The following MYO7B variants were observed in gnomAD, a reference collection of about 807,000 sequenced individuals.
MYO7B encodes unconventional myosin-VIIb.
In MYO7B, 212 loss-of-function variants were observed where a neutral mutation model predicts 259.7. The ratio of observed to expected loss-of-function variants is 0.82; its 90% confidence interval spans 0.73 to 0.91. The LOEUF (loss-of-function observed/expected upper bound fraction) is 0.91, where lower values mean the gene tolerates loss of function less well. MYO7B is among the 40% of genes least tolerant of loss of function. The pLI is 0.00. For synonymous variants in MYO7B, 1,197 were observed against 1,166.4 expected (o/e 1.03, Z -0.54); for missense variants, 2,732 against 2,813.5 (o/e 0.97, Z 0.66).
Position 127,633,500 on chromosome 2 carries a change from G to A in MYO7B, c.5511+137G>A, listed in dbSNP as rs944000649. ...GCTGTCCCATCCTAACCAGTCTCCC[G>A]CCCTCTCCCCATGGGATGCAGGCCC... is the stretch of plus-strand genomic sequence containing the variant. On this transcript the variant is annotated intron_variant, in intron 40 of 47. Coordinates refer to ENST00000409816, the MANE Select transcript of MYO7B (RefSeq NM_001393586.1). 2.7e-5 allele frequency: 22 copies of A among 824,392 alleles called. No homozygotes were observed. The Admixed American group carries it at 2.8e-4, about 11-fold the overall frequency. 51.1% of individuals were successfully genotyped at this position (824,392 alleles called of 1,614,324 possible).
At position 127,585,049 on chromosome 2, in the gene MYO7B, C is replaced by T; in HGVS notation, c.1690+136C>T. The T allele has an allele frequency of 8.5e-7, 1 of 1,171,848 alleles. No homozygotes were observed. Among genetic ancestry groups the T allele is most frequent in the South Asian group, 1.5e-5 (1 of 66,712 alleles). 72.6% of individuals were successfully genotyped at this position (1,171,848 alleles called of 1,614,324 possible). A position where few individuals can be genotyped will look rare whatever the true frequency, so the allele number is the denominator to read the frequency against. ...AGAGGGATGAGTAGTATGGCTTCTACTGGAGAAAGAAAATGGAGTGGACCG... is the reference window on the plus strand; with the variant it reads ...AGAGGGATGAGTAGTATGGCTTCTATTGGAGAAAGAAAATGGAGTGGACCG... On this transcript the variant is annotated intron_variant, in intron 14 of 47. Transcript: ENST00000409816. This position sits in a 1 kb window ranked among gnomAD's most constrained non-coding sequence, Gnocchi z 4.3.
intron 43 of MYO7B, 173 bp from the exon 44 acceptor site, chr2:127,635,546 AGGG>A: frequency 1.4e-6 from 1 of 731,592 alleles, no homozygotes; most frequent in African/African-American, 1.8e-5. Context: ...CGCAGATGTC[AGGG>A]GGCCCTGCCC....
In MYO7B at chr2:127,590,677, G is replaced by T. The variant is rs1039310374; in HGVS notation, c.1992+448G>T. On this transcript the variant is annotated intron_variant, in intron 16 of 47. Transcript: ENST00000409816. The surrounding 1 kb of genome is among the most constrained non-coding windows in gnomAD (Gnocchi z 4.6). ...CTTTCACCAGCCCTGCAGACAGTCA[G>T]CTTTACCTGCTGTGAGACGGTGAGG... Among the ~76,000 whole-genome samples, 5 of 152,324 alleles carry T rather than the reference G, an allele frequency of 3.3e-5. No individual in the cohort carries two copies. Among genetic ancestry groups the T allele is most frequent in the Admixed American group, 2.0e-4 (3 of 15,300 alleles).
At chr2:127,635,052 G>T in intron 42 of MYO7B, 68 bp from the exon 43 acceptor site, 3 of 1,300,554 alleles carry the variant, frequency 2.3e-6, no homozygotes, top group Non-Finnish European at 1.1e-6. Context: ...AGTGTGGGGG[G>T]TGGCAGGGGG....
At position 127,584,342 on chromosome 2, in the gene MYO7B, C is replaced by G; in HGVS notation, c.1554+10C>G. On this transcript the variant is annotated intron_variant, in intron 13 of 47. Coordinates refer to ENST00000409816, the MANE Select transcript of MYO7B (RefSeq NM_001393586.1). The surrounding 1 kb of genome is among the most constrained non-coding windows in gnomAD (Gnocchi z 5.8). ...AAGCCGCTTCCCGCAGGTGTGTGTT[C>G]GGGCCTGCCGACCTTCTGGTGGAGG... 1 of 1,613,384 alleles carries G rather than the reference C, an allele frequency of 6.2e-7. No homozygotes were observed. The highest frequency in any genetic ancestry group is 8.5e-7 in the Non-Finnish European group (1 of 1,179,558).
At chr2:127,617,487 G>GT (rs35542480) in intron 26 of MYO7B, among the ~76,000 whole-genome samples, 1,940 of 84,730 alleles carry the variant, frequency 0.023, 319 homozygotes, top group African/African-American at 0.04. Flanking sequence ...TTGTAACGGG[G>GT]TTTTTTTTTT....
intron 17 of MYO7B, 22 bp downstream of exon 17, chr2:127,592,968 T>C (rs2104977924): frequency 6.4e-7 from 1 of 1,568,446 alleles, no homozygotes; most frequent in Non-Finnish European, 8.6e-7. Context: ...TCGGGGACGG[T>C]CACCTCTGGC....
chr2:127,581,139 A>T (rs13407823), intron 10 of MYO7B, among the ~76,000 whole-genome samples: 2 of 151,762 alleles, frequency 1.3e-5, no homozygotes, highest in Admixed American at 1.3e-4. Context: ...TAGGCTCCCC[A>T]CTTGGACCCC....
chr2:127,580,384 G>A lies in MYO7B; in HGVS notation c.1004-362G>A, dbSNP rs72843356. The stretch of plus-strand genomic sequence containing the variant: ...CGAAATGTCCGGGTTTCCACACCCA[G>A]CAGCATGGACTGAGGGGCCTGATGG... On this transcript the variant is annotated intron_variant, in intron 9 of 47. Transcript: ENST00000409816. Among the ~76,000 whole-genome samples, 1,120 of 152,348 alleles carry A rather than the reference G, an allele frequency of 7.4e-3. 10 individuals carry two copies. The highest frequency in any genetic ancestry group is 0.012 in the Non-Finnish European group (827 of 68,034).
intron 34 of MYO7B, among the ~76,000 whole-genome samples, chr2:127,629,103 G>A (rs1681321552): frequency 6.6e-6 from 1 of 152,348 alleles, no homozygotes; most frequent in Non-Finnish European, 1.5e-5. Context: ...TGGGCGGTGG[G>A]TGGTGTGGTT....
rs780978046 is a variant in MYO7B, at chr2:127,627,790, CT to C, written c.4460+484del. On this transcript the variant is annotated intron_variant, in intron 33 of 47. Coordinates refer to ENST00000409816, the MANE Select transcript of MYO7B (RefSeq NM_001393586.1). This position sits in a 1 kb window ranked among gnomAD's most constrained non-coding sequence, Gnocchi z 5.6. The stretch of plus-strand genomic sequence containing the variant: ...CTCCATGGATCTCATTGACTGGGAA[CT>C]TTTCCATGCCCTTTGGGAAGTCCCA... The C allele has an allele frequency of 4.4e-6, 2 of 457,884 alleles. No individual in the cohort carries two copies. Among genetic ancestry groups the C allele is most frequent in the South Asian group, 3.1e-5 (2 of 64,576 alleles). The allele number at this position is 457,884 out of a possible 1,614,324, so 28.4% of individuals were successfully genotyped here.
At chr2:127,544,575 ATTT>A (rs35578661) in intron 1 of MYO7B, among the ~76,000 whole-genome samples, 1 of 103,144 alleles carries the variant, frequency 9.7e-6, no homozygotes, top group Non-Finnish European at 1.9e-5. Context: ...CGTCTGGCTA[ATTT>A]TTTTTTTTTT....
rs1412593177 is a variant in MYO7B, at chr2:127,613,116, T to C, written c.3398+513T>C. On this transcript the variant is annotated intron_variant, in intron 26 of 47. Coordinates refer to ENST00000409816, the MANE Select transcript of MYO7B (RefSeq NM_001393586.1). This position sits in a 1 kb window ranked among gnomAD's most constrained non-coding sequence, Gnocchi z 4.3. Reference sequence around the variant, plus strand: ...GTTCACTTACTTTAGGTTAATACTTTTAACAAAATTTGGGAAACTGTTGGT... The same window carrying C: ...GTTCACTTACTTTAGGTTAATACTTCTAACAAAATTTGGGAAACTGTTGGT... 6.6e-6 allele frequency among the ~76,000 whole-genome samples: 1 copy of C among 152,216 alleles called. No homozygotes were observed. The highest frequency in any genetic ancestry group is 1.5e-5 in the Non-Finnish European group (1 of 68,028).
rs1253830024 is a variant in MYO7B at position 127,585,696 on chromosome 2, G to A, written c.1690+783G>A. The stretch of plus-strand genomic sequence containing the variant: ...GCTGTATGATTTTACATTCCCACTA[G>A]CAATGTATGAGGACTCCAGTTCCTC... On this transcript the variant is annotated intron_variant, in intron 14 of 47. Coordinates refer to ENST00000409816, the MANE Select transcript of MYO7B (RefSeq NM_001393586.1). The surrounding 1 kb of genome is among the most constrained non-coding windows in gnomAD (Gnocchi z 4.3). 6.6e-6 allele frequency among the ~76,000 whole-genome samples: 1 copy of A among 152,164 alleles called. No homozygotes were observed.
chr2:127,627,140 CA>C lies in MYO7B; in HGVS notation c.4334-43del. 1 of 1,603,856 alleles carries C rather than the reference CA, an allele frequency of 6.2e-7. No homozygotes were observed. The highest frequency in any genetic ancestry group is 8.5e-7 in the Non-Finnish European group (1 of 1,175,484). ...AGGGAGCAGGTATGGGCTGGGCACC[CA>C]GGGGTCCCATGCAGCCTTCACACTG... On this transcript the variant is annotated intron_variant, in intron 32 of 47. Coordinates refer to ENST00000409816, the MANE Select transcript of MYO7B (RefSeq NM_001393586.1). This position sits in a 1 kb window ranked among gnomAD's most constrained non-coding sequence, Gnocchi z 5.6.
chr2:127,616,277 C>T (rs1680569561), intron 26 of MYO7B, among the ~76,000 whole-genome samples: 1 of 152,138 alleles, frequency 6.6e-6, no homozygotes, highest in Admixed American at 6.5e-5. Flanking sequence ...TCCATAAGCC[C>T]ACAAAATCTA....
chr2:127,560,770 T>A (rs1291687204), intron 2 of MYO7B, among the ~76,000 whole-genome samples: 1 of 152,122 alleles, frequency 6.6e-6, no homozygotes, highest in Non-Finnish European at 1.5e-5. Flanking sequence ...TGCTCTTTGA[T>A]AAGAAAATGC....
At chr2:127,548,595 T>A (rs959252004) in intron 1 of MYO7B, among the ~76,000 whole-genome samples, 5 of 152,074 alleles carry the variant, frequency 3.3e-5, no homozygotes, top group African/African-American at 1.2e-4. Context: ...TTTCTATTTT[T>A]AGTAGAGACG....
intron 30 of MYO7B, among the ~76,000 whole-genome samples, chr2:127,625,161 CTG>C (rs1573711317): frequency 2.0e-5 from 3 of 152,360 alleles, no homozygotes; most frequent in African/African-American, 7.2e-5. Flanking sequence ...GGCAGAGGGC[CTG>C]TGAGGCTCTG....
Sources: gnomAD v4.1 joint callset for allele counts (sites outside exome capture counted in the v4.1 genomes callset) on GRCh38, gnomAD v4.1.1 for gene constraint, Gnocchi (gnomAD v3.1) non-coding constraint, MANE v1.5 for transcripts, NCBI Gene and HGNC (gene_info 2026-07-23, HGNC 2026-07-21) for gene names.